The following TTC28 variants were observed in gnomAD, a reference collection of about 807,000 sequenced individuals.
The protein encoded by TTC28 is tetratricopeptide repeat domain 28, also known as tetratricopeptide repeat protein 28.
A neutral mutation model predicts 198.0 loss-of-function variants in TTC28; 61 were observed. That is an observed-to-expected ratio of 0.31 (90% CI 0.25 to 0.38). The LOEUF is 0.38. Ranked by LOEUF, TTC28 falls within the 10% of genes least tolerant of loss-of-function variation. The pLI, the probability that TTC28 is intolerant of heterozygous loss-of-function variation, is 1.00. For synonymous variants in TTC28, 1,171 were observed against 1,297.8 expected (o/e 0.90, Z 2.10); for missense variants, 2,678 against 3,164.0 (o/e 0.85, Z 3.69).
At chr22:28,178,597 G>A (rs1030323650) in intron 5 of TTC28, among the ~76,000 whole-genome samples, 3 of 152,202 alleles carry the variant, frequency 2.0e-5, no homozygotes, top group African/African-American at 7.2e-5. Context: ...ATGTCGGAGT[G>A]TGTTATGATT....
chr22:28,262,497 A>G (rs1156608084), intron 5 of TTC28, among the ~76,000 whole-genome samples: 1 of 152,182 alleles, frequency 6.6e-6, no homozygotes, highest in Non-Finnish European at 1.5e-5. Flanking sequence ...TCTTATTTAC[A>G]TCAAAGTATC....
chr22:28,572,455 G>A (rs1601581297), intron 2 of TTC28, among the ~76,000 whole-genome samples: 1 of 152,198 alleles, frequency 6.6e-6, no homozygotes, highest in Non-Finnish European at 1.5e-5. Context: ...TTCTATAAAG[G>A]ATTGAAAATG....
chr22:28,090,146 T>TA lies in TTC28; in HGVS notation c.3932+3933dup, dbSNP rs34493597. On this transcript the variant is annotated intron_variant, in intron 12 of 22. Coordinates refer to ENST00000397906, the MANE Select transcript of TTC28 (RefSeq NM_001145418.2). ...AAAAAAAGTACTATATGCCTAATTGTAAAAAAAAAAAGTTAAAAATAAGGA... is the reference window on the plus strand; with the variant it reads ...AAAAAAAGTACTATATGCCTAATTGTAAAAAAAAAAAAGTTAAAAATAAGGA... Among the ~76,000 whole-genome samples, 254 of 146,298 alleles carry TA rather than the reference T, an allele frequency of 1.7e-3. 1 individual carries two copies. The highest frequency in any genetic ancestry group is 3.6e-3 in the East Asian group (18 of 5,042).
intron 10 of TTC28, 29 bp from the exon 11 acceptor site, chr22:28,096,437 T>A (rs1351411515): frequency 4.3e-5 from 67 of 1,547,788 alleles, no homozygotes; most frequent in Non-Finnish European, 5.7e-5. Flanking sequence ...TGCCGAGGAG[T>A]CCATAGTGAG....
chr22:28,196,757 A>G (rs1372282004), intron 5 of TTC28, among the ~76,000 whole-genome samples: 2 of 152,172 alleles, frequency 1.3e-5, no homozygotes. Flanking sequence ...CGATCATTAA[A>G]AAGTCAGGAA....
At chr22:28,526,224 T>G (rs1189214994) in intron 2 of TTC28, among the ~76,000 whole-genome samples, 1 of 152,210 alleles carries the variant, frequency 6.6e-6, no homozygotes, top group African/African-American at 2.4e-5. Context: ...AAAGCTGAAA[T>G]AAGACAAACT....
chr22:28,533,397 T>C (rs2049187946), intron 2 of TTC28, among the ~76,000 whole-genome samples: 1 of 151,938 alleles, frequency 6.6e-6, no homozygotes, highest in Non-Finnish European at 1.5e-5. Flanking sequence ...GACCACTCAA[T>C]GAAATAAAAG....
intron 2 of TTC28, among the ~76,000 whole-genome samples, chr22:28,399,922 C>A (rs1489847632): frequency 6.6e-6 from 1 of 152,124 alleles, no homozygotes; most frequent in Non-Finnish European, 1.5e-5. Flanking sequence ...CAGAAATATG[C>A]ACACTGTAGA....
chr22:28,092,967 T>C (rs79991942), intron 12 of TTC28, among the ~76,000 whole-genome samples: 1 of 152,202 alleles, frequency 6.6e-6, no homozygotes, highest in African/African-American at 2.4e-5. Context: ...GATATTAATT[T>C]TGAAAATTAA....
intron 2 of TTC28, among the ~76,000 whole-genome samples, chr22:28,510,198 A>C (rs2048668887): frequency 6.6e-6 from 1 of 152,144 alleles, no homozygotes; most frequent in African/African-American, 2.4e-5. Flanking sequence ...GCATCATCCT[A>C]ATAACAAAAC....
chr22:28,060,905 T>C (rs1047505977), intron 12 of TTC28, among the ~76,000 whole-genome samples: 3 of 152,192 alleles, frequency 2.0e-5, no homozygotes, highest in Non-Finnish European at 2.9e-5. Context: ...TTTTAATGAC[T>C]GCCATTCTAA....
At chr22:28,376,255 G>T (rs930973737) in intron 2 of TTC28, among the ~76,000 whole-genome samples, 13 of 152,204 alleles carry the variant, frequency 8.5e-5, no homozygotes, top group Non-Finnish European at 1.5e-5. Context: ...TAGTTGCTCA[G>T]ACTGGTGTAA....
At chr22:28,605,211 T>A (rs566241830) in intron 2 of TTC28, among the ~76,000 whole-genome samples, 3 of 152,182 alleles carry the variant, frequency 2.0e-5, no homozygotes, top group Non-Finnish European at 2.9e-5. Flanking sequence ...TCCAAGGAGA[T>A]GCTATGGACT....
At chr22:28,039,999 A>C (rs990017233) in intron 12 of TTC28, among the ~76,000 whole-genome samples, 2 of 152,206 alleles carry the variant, frequency 1.3e-5, no homozygotes, top group Non-Finnish European at 2.9e-5. Flanking sequence ...GAAATGGATA[A>C]ATTCCTGGAC....
At chr22:28,104,178 G>A (rs747422368) in intron 8 of TTC28, among the ~76,000 whole-genome samples, 8 of 152,120 alleles carry the variant, frequency 5.3e-5, no homozygotes, top group Non-Finnish European at 1.0e-4. Context: ...AAGCGGGTAG[G>A]ATGCCCAACC....
At chr22:28,524,516 C>T (rs2146438845) in intron 2 of TTC28, among the ~76,000 whole-genome samples, 1 of 150,910 alleles carries the variant, frequency 6.6e-6, no homozygotes, top group East Asian at 2.0e-4. Context: ...TGGCTCATGC[C>T]TGTAATCCCA....
At chr22:28,619,766 C>T (rs764159268) in intron 2 of TTC28, among the ~76,000 whole-genome samples, 2 of 152,126 alleles carry the variant, frequency 1.3e-5, no homozygotes. Flanking sequence ...GAAACAGTCC[C>T]TATCAGAGCA....
chr22:28,326,656 T>C (rs1375783592), intron 2 of TTC28, among the ~76,000 whole-genome samples: 1 of 152,194 alleles, frequency 6.6e-6, no homozygotes, highest in Non-Finnish European at 1.5e-5. Flanking sequence ...TTGGAGATAT[T>C]ATCAGAAGAA....
intron 2 of TTC28, among the ~76,000 whole-genome samples, chr22:28,333,409 G>C (rs2045648109): frequency 6.6e-6 from 1 of 152,002 alleles, no homozygotes; most frequent in African/African-American, 2.4e-5. Flanking sequence ...TAATAGTCTG[G>C]AGACATCAGT....
Sources: gnomAD v4.1 joint callset for allele counts (sites outside exome capture counted in the v4.1 genomes callset) on GRCh38, gnomAD v4.1.1 for gene constraint, MANE v1.5 for transcripts, NCBI Gene and HGNC (gene_info 2026-07-23, HGNC 2026-07-21) for gene names.